The following SPOCK1 variants were observed in gnomAD, a reference collection of about 807,000 sequenced individuals.
SPOCK1 encodes SPARC (osteonectin), cwcv and kazal like domains proteoglycan 1, also known as testican-1.
Under a neutral mutation model 55.3 loss-of-function variants are expected in SPOCK1, and 23 were observed. That is an observed-to-expected ratio of 0.42 (90% CI 0.30 to 0.59). SPOCK1 has a LOEUF of 0.59. SPOCK1 is among the 20% of genes least tolerant of loss of function. The pLI is 0.22. For missense variants in SPOCK1, 499 were observed against 552.5 expected (o/e 0.90, Z 0.97); for synonymous variants, 226 against 221.0 (o/e 1.02, Z -0.20).
At position 137,053,832 on chromosome 5, in the gene SPOCK1, G is replaced by A. The variant is rs186488159; in HGVS notation, c.589+13883C>T. On this transcript the variant is annotated intron_variant, in intron 6 of 10. Transcript: ENST00000394945. The stretch of plus-strand genomic sequence containing the variant: ...CTAGAAGACTTTACTTGCATTTCAC[G>A]GGCCAGAACTGAATCACAGGGCCAC... Among the ~76,000 whole-genome samples, 281 of 152,222 alleles carry A rather than the reference G, an allele frequency of 1.8e-3. 3 individuals carry two copies. Among genetic ancestry groups the A allele is most frequent in the African/African-American group, 5.0e-3 (208 of 41,536 alleles).
chr5:137,173,044 C>T, intron 3 of SPOCK1, among the ~76,000 whole-genome samples: 1 of 152,116 alleles, frequency 6.6e-6, no homozygotes. Context: ...TTCTTCTTGC[C>T]CCCAATCTCC....
intron 3 of SPOCK1, among the ~76,000 whole-genome samples, chr5:137,145,274 ATTTTAT>A (rs1026638794): frequency 6.6e-6 from 1 of 152,176 alleles, no homozygotes; most frequent in African/African-American, 2.4e-5. Context: ...TTTTTGATTA[ATTTTAT>A]TTTTAAGCTC....
intron 6 of SPOCK1, chr5:136,993,277 CAGAT>C (rs1049842658): frequency 9.8e-5 from 15 of 152,404 alleles, no homozygotes; most frequent in African/African-American, 2.6e-4. Flanking sequence ...AAAATCCAGA[CAGAT>C]GGATGGGTGG....
At chr5:137,145,613 C>T (rs1308471347) in intron 3 of SPOCK1, among the ~76,000 whole-genome samples, 3 of 152,148 alleles carry the variant, frequency 2.0e-5, no homozygotes, top group African/African-American at 2.4e-5. Context: ...TATCATTCAG[C>T]GTGAAGAATC....
intron 3 of SPOCK1, among the ~76,000 whole-genome samples, chr5:137,253,266 G>A (rs1300267142): frequency 6.6e-6 from 1 of 152,130 alleles, no homozygotes; most frequent in Non-Finnish European, 1.5e-5. Flanking sequence ...TGAGTGGGTA[G>A]GTTGCTTTTC....
intron 3 of SPOCK1, among the ~76,000 whole-genome samples, chr5:137,164,698 T>C (rs1161233549): frequency 6.6e-6 from 1 of 152,028 alleles, no homozygotes; most frequent in Non-Finnish European, 1.5e-5. Context: ...CCCTGAAGGA[T>C]GAGTCCCAGG....
At chr5:137,221,752 G>T (rs1353690232) in intron 3 of SPOCK1, among the ~76,000 whole-genome samples, 1 of 152,172 alleles carries the variant, frequency 6.6e-6, no homozygotes, top group East Asian at 1.9e-4. Flanking sequence ...TAAAATAAAA[G>T]TAAGTGTGAA....
At chr5:137,156,113 C>G (rs1754410777) in intron 3 of SPOCK1, among the ~76,000 whole-genome samples, 1 of 152,080 alleles carries the variant, frequency 6.6e-6, no homozygotes, top group Non-Finnish European at 1.5e-5. Flanking sequence ...TGTAAGGGGC[C>G]CCTGGGGTGC....
At chr5:137,122,204 A>G (rs1753698296) in intron 4 of SPOCK1, among the ~76,000 whole-genome samples, 1 of 151,728 alleles carries the variant, frequency 6.6e-6, no homozygotes, top group African/African-American at 2.4e-5. Flanking sequence ...TTGTTGAACA[A>G]GCAAGGCCCC....
chr5:137,315,639 T>C (rs1757865274), intron 2 of SPOCK1, among the ~76,000 whole-genome samples: 1 of 152,060 alleles, frequency 6.6e-6, no homozygotes, highest in African/African-American at 2.4e-5. Flanking sequence ...CCCTTTGAGG[T>C]CATTTCATGA....
At chr5:137,293,262 CTGTCTCCAGG>C (rs1156766046) in intron 2 of SPOCK1, among the ~76,000 whole-genome samples, 5 of 152,090 alleles carry the variant, frequency 3.3e-5, no homozygotes, top group Non-Finnish European at 7.4e-5. Context: ...ACATGAAATG[CTGTCTCCAGG>C]GGAGTTCACA....
At chr5:137,008,162 A>C (rs1238740530) in intron 6 of SPOCK1, among the ~76,000 whole-genome samples, 1 of 152,042 alleles carries the variant, frequency 6.6e-6, no homozygotes, top group African/African-American at 2.4e-5. Context: ...AAGGGGAAGA[A>C]TAGCATTAGG....
chr5:137,428,402 G>A (rs1346118421), intron 2 of SPOCK1, among the ~76,000 whole-genome samples: 1 of 152,138 alleles, frequency 6.6e-6, no homozygotes, highest in Non-Finnish European at 1.5e-5. Flanking sequence ...CAACCAACCA[G>A]GCGAGATGGC....
At chr5:137,107,320 A>G (rs773588830) in intron 5 of SPOCK1, among the ~76,000 whole-genome samples, 10 of 152,198 alleles carry the variant, frequency 6.6e-5, no homozygotes, top group Non-Finnish European at 1.5e-4. Flanking sequence ...TCAGAAATTT[A>G]CTTCAGTCTT....
Position 137,003,589 on chromosome 5 carries a change from T to C in SPOCK1, c.590-10989A>G, listed in dbSNP as rs570419487. Among the ~76,000 whole-genome samples, 5 of 152,266 alleles carry C rather than the reference T, an allele frequency of 3.3e-5. No individual in the cohort carries two copies. The South Asian group carries it at 1.0e-3, about 32-fold the overall frequency. ...TCTGTAAGAGGTTGTTGACAGAAGA[T>C]GTCTTTTTAGGGTATGTACAAGTCT... On this transcript the variant is annotated intron_variant, in intron 6 of 10. Coordinates refer to ENST00000394945, the MANE Select transcript of SPOCK1 (RefSeq NM_004598.4).
intron 2 of SPOCK1, among the ~76,000 whole-genome samples, chr5:137,415,231 T>A (rs1752305221): frequency 6.6e-6 from 1 of 152,200 alleles, no homozygotes; most frequent in Non-Finnish European, 1.5e-5. Context: ...CCCATATAGT[T>A]TGAGATTCCG....
chr5:137,270,079 G>A (rs1756931324), intron 2 of SPOCK1, among the ~76,000 whole-genome samples: 1 of 152,190 alleles, frequency 6.6e-6, no homozygotes, highest in Admixed American at 6.5e-5. Context: ...TGCTGTGTGG[G>A]CCCCACACTT....
intron 4 of SPOCK1, among the ~76,000 whole-genome samples, chr5:137,131,989 A>AAAATATATAT (rs1391176339): frequency 2.8e-5 from 1 of 36,070 alleles, no homozygotes; most frequent in African/African-American, 1.9e-4. Context: ...AAAAAAAAAA[A>AAAATATATAT]ATATATATAT....
intron 2 of SPOCK1, among the ~76,000 whole-genome samples, chr5:137,337,748 G>T (rs777688678): frequency 2.0e-5 from 3 of 152,216 alleles, no homozygotes; most frequent in African/African-American, 4.8e-5. Context: ...GTTTACAACT[G>T]CATCAAGCTC....
Sources: allele counts gnomAD v4.1 joint callset (sites outside exome capture counted in the v4.1 genomes callset), GRCh38; gene constraint gnomAD v4.1.1; transcripts MANE v1.5; gene names NCBI Gene and HGNC (gene_info 2026-07-23, HGNC 2026-07-21).